NFS1: variants seen among roughly 807,000 people sequenced by gnomAD.
The protein encoded by NFS1 is NFS1 cysteine desulfurase.
In NFS1, 26 loss-of-function variants were observed where a neutral mutation model predicts 57.3. That is an observed-to-expected ratio of 0.45 (90% CI 0.33 to 0.63). The LOEUF is 0.63. Ranked by LOEUF, NFS1 falls within the 20% of genes least tolerant of loss-of-function variation. The pLI, the probability that NFS1 is intolerant of heterozygous loss-of-function variation, is 0.02. For synonymous variants in NFS1, 209 were observed against 216.3 expected (o/e 0.97, Z 0.30); for missense variants, 505 against 605.8 (o/e 0.83, Z 1.75).
Position 35,699,264 on chromosome 20 carries a change from G to T in NFS1, c.25C>A (p.Arg9=). 7.0e-7 allele frequency: 1 copy of T among 1,420,408 alleles called. No individual in the cohort carries two copies. The highest frequency in any genetic ancestry group is 9.1e-7 in the Non-Finnish European group (1 of 1,096,568). 88.0% of individuals were successfully genotyped at this position (1,420,408 alleles called of 1,614,324 possible). A position where few individuals can be genotyped will look rare whatever the true frequency, so the allele number is the denominator to read the frequency against. ...GCCGCTGTCACCGCCACTGCCGCCC[G>T]CCTCCAAGCGGCTCGGAGCAGCATG... is the stretch of plus-strand genomic sequence containing the variant. The part of the protein sequence containing the change: MLLRAAWR[R]AAVAVTAAPG... Residue 9 remains arginine, a synonymous_variant, in exon 1 of 13, where the codon CGG becomes AGG. Transcript: ENST00000374092. This position sits in a 1 kb window ranked among gnomAD's most constrained non-coding sequence, Gnocchi z 4.4.
Position 35,669,522 on chromosome 20 carries a change from C to G in NFS1, c.*100G>C. ...TGATGCTGAAGTCAACTGGTCTATA[C>G]CAATCTAGAGCATCCACTAGGTGTA... is the stretch of plus-strand genomic sequence containing the variant. On this transcript the variant is annotated 3_prime_UTR_variant, in exon 13 of 13. Transcript: ENST00000374092. The G allele has an allele frequency of 9.6e-7, 1 of 1,042,212 alleles. No individual in the cohort carries two copies. Among genetic ancestry groups the G allele is most frequent in the Non-Finnish European group, 1.5e-6 (1 of 663,600 alleles). 64.6% of individuals were successfully genotyped at this position (1,042,212 alleles called of 1,614,324 possible). A position where few individuals can be genotyped will look rare whatever the true frequency, so the allele number is the denominator to read the frequency against.
chr20:35,681,832 T>C, intron 6 of NFS1, 56 bp downstream of exon 6: 1 of 954,724 alleles, frequency 1.0e-6, no homozygotes, highest in Non-Finnish European at 1.7e-6. Context: ...CTCAGTATAC[T>C]ACCTCATACA....
chr20:35,682,412 GACT>G (rs372274792), intron 5 of NFS1, among the ~76,000 whole-genome samples: 31 of 152,270 alleles, frequency 2.0e-4, no homozygotes, highest in Non-Finnish European at 3.5e-4. Context: ...CCATAACATG[GACT>G]ACTACTTATC....
chr20:35,674,842 G>A (rs1162493308), intron 8 of NFS1: 4 of 713,378 alleles, frequency 5.6e-6, no homozygotes, highest in African/African-American at 1.8e-5. Context: ...AGAAATAAAT[G>A]AGCTGATAAC....
intron 12 of NFS1, 25 bp downstream of exon 12, chr20:35,672,730 A>G (rs2034677280): frequency 6.5e-7 from 1 of 1,529,276 alleles, no homozygotes. Context: ...TTTCTTCCAA[A>G]GCGTCTCTGA....
At chr20:35,694,429 G>C (rs2035096454) in intron 4 of NFS1, 2 of 152,060 alleles carry the variant, frequency 1.3e-5, no homozygotes, top group African/African-American at 2.4e-5. Flanking sequence ...ACAGGTGTAA[G>C]CCACTGGGCC....
intron 7 of NFS1, among the ~76,000 whole-genome samples, chr20:35,677,206 G>T (rs2034767969): frequency 6.6e-6 from 1 of 152,076 alleles, no homozygotes; most frequent in African/African-American, 2.4e-5. Context: ...TGAATCACAT[G>T]AATATTACTT....
chr20:35,686,895 A>G lies in NFS1; in HGVS notation c.561+3518T>C, dbSNP rs371091849. The stretch of plus-strand genomic sequence containing the variant: ...AGTGATTACTCTTTATTCTAATATT[A>G]TAATAATCCTCGCTCTACAATCATA... On this transcript the variant is annotated intron_variant, in intron 5 of 12. Transcript: ENST00000374092. Among the ~76,000 whole-genome samples, 13 of 152,326 alleles carry G rather than the reference A, an allele frequency of 8.5e-5. No homozygotes were observed. In the East Asian group the frequency reaches 2.3e-3, roughly 27 times the overall value.
intron 5 of NFS1, chr20:35,682,761 C>T (rs1184251394): frequency 6.6e-6 from 1 of 150,764 alleles, no homozygotes; most frequent in Non-Finnish European, 1.5e-5. Context: ...GCCTGGGTGA[C>T]AGAGTGAGAC....
At position 35,669,429 on chromosome 20, in the gene NFS1, T is replaced by A; in HGVS notation, c.*193A>T. On this transcript the variant is annotated 3_prime_UTR_variant, in exon 13 of 13. Coordinates refer to ENST00000374092, the MANE Select transcript of NFS1 (RefSeq NM_021100.5). ...TTAAGACCCGAGAAGAAATGGGGAGTGCTCCACACCCAAGGAACTGAAGCT... is the reference window on the plus strand; with the variant it reads ...TTAAGACCCGAGAAGAAATGGGGAGAGCTCCACACCCAAGGAACTGAAGCT... 1 of 544,360 alleles carries A rather than the reference T, an allele frequency of 1.8e-6. No individual in the cohort carries two copies. Among genetic ancestry groups the A allele is most frequent in the Non-Finnish European group, 3.3e-6 (1 of 299,212 alleles). The allele number at this position is 544,360 out of a possible 1,614,324, so 33.7% of individuals were successfully genotyped here.
intron 5 of NFS1, among the ~76,000 whole-genome samples, chr20:35,684,902 T>C (rs779202952): frequency 8.0e-5 from 12 of 150,544 alleles, no homozygotes; most frequent in Non-Finnish European, 1.8e-4. Context: ...GTCTCTTTTT[T>C]CTTCAGATGG....
chr20:35,682,046 G>A, intron 5 of NFS1, 65 bp from the exon 6 acceptor site: 2 of 879,882 alleles, frequency 2.3e-6, no homozygotes, highest in Non-Finnish European at 3.8e-6. Context: ...TCAGAATATA[G>A]GCAAACTTAG....
chr20:35,687,523 C>G (rs972105973), intron 5 of NFS1, among the ~76,000 whole-genome samples: 2 of 152,204 alleles, frequency 1.3e-5, no homozygotes, highest in Non-Finnish European at 2.9e-5. Context: ...AGATGGCTCA[C>G]ACTCCTTACC....
chr20:35,680,656 G>A lies in NFS1; in HGVS notation c.790+81C>T, dbSNP rs570737600. ...ACAACTTCCTCTGAGAGCAACAGTA[G>A]TCCCAAATGACTGTGACAAACATCT... On this transcript the variant is annotated intron_variant, in intron 7 of 12. Transcript: ENST00000374092. 31 of 1,255,922 alleles carry A rather than the reference G, an allele frequency of 2.5e-5. No individual in the cohort carries two copies. The Admixed American group carries it at 9.5e-4, about 38-fold the overall frequency. 77.8% of individuals were successfully genotyped at this position (1,255,922 alleles called of 1,614,324 possible). A position where few individuals can be genotyped will look rare whatever the true frequency, so the allele number is the denominator to read the frequency against.
intron 5 of NFS1, 129 bp downstream of exon 5, chr20:35,690,284 T>G (rs2035020096): frequency 1.1e-6 from 1 of 877,202 alleles, no homozygotes; most frequent in African/African-American, 1.7e-5. Context: ...CTGCCAGGCT[T>G]ATTTCTCTAA....
In NFS1 at chr20:35,697,714, C is replaced by G. The variant is rs369763557; in HGVS notation, c.294G>C (p.Glu98Asp). Residue 98 changes from glutamate to aspartate, a missense_variant, in exon 3 of 13, where the codon GAG becomes GAC. Transcript: ENST00000374092. ...GAGCACGTTCCATGGCTGCCTCACT[C>G]TCCCAGCCATAAGCATGTGTCCGGG... The part of the protein sequence containing the change: ...PHSRTHAYGW[E>D]SEAAMERARQ... The G allele has an allele frequency of 7.5e-5, 121 of 1,613,616 alleles. No homozygotes were observed. The highest frequency in any genetic ancestry group is 1.0e-4 in the Non-Finnish European group (120 of 1,179,786).
intron 4 of NFS1, chr20:35,695,018 G>A (rs944404952): frequency 7.2e-5 from 11 of 152,028 alleles, no homozygotes; most frequent in Non-Finnish European, 1.3e-4. Context: ...TACCCATGAT[G>A]TAGATTTCTT....
rs1472800414 is a variant in NFS1, at chr20:35,669,611, G to A, written c.*11C>T. 2 of 1,613,750 alleles carry A rather than the reference G, an allele frequency of 1.2e-6. No homozygotes were observed. Among genetic ancestry groups the A allele is most frequent in the Admixed American group, 3.3e-5 (2 of 60,012 alleles). On this transcript the variant is annotated 3_prime_UTR_variant, in exon 13 of 13. Transcript: ENST00000374092. ...GGGGCCAGACCAGCACAAAGTCAGG[G>A]CCCTATTCTTCTAGTGTTGGGTCCA...
At chr20:35,672,236 G>A (rs1332588782) in intron 12 of NFS1, among the ~76,000 whole-genome samples, 1 of 151,790 alleles carries the variant, frequency 6.6e-6, no homozygotes, top group Admixed American at 6.6e-5. Context: ...GGGATTACAG[G>A]TGTGAGCCAC....
Sources: allele counts gnomAD v4.1 joint callset (sites outside exome capture counted in the v4.1 genomes callset), GRCh38; gene constraint gnomAD v4.1.1; non-coding constraint Gnocchi (gnomAD v3.1); transcripts MANE v1.5; gene names NCBI Gene and HGNC (gene_info 2026-07-23, HGNC 2026-07-21).